Variants in SLC7A1 observed in about 807,000 individuals in gnomAD.
SLC7A1 encodes solute carrier family 7 member 1.
SLC7A1 carries 10 observed loss-of-function variants against 53.9 expected under a neutral mutation model. That is an observed-to-expected ratio of 0.19 (90% CI 0.11 to 0.31). The LOEUF (loss-of-function observed/expected upper bound fraction) is 0.31. Ranked by LOEUF, SLC7A1 falls within the 10% of genes least tolerant of loss-of-function variation. The pLI is 1.00. For missense variants in SLC7A1, 525 were observed against 827.2 expected, an observed-to-expected ratio of 0.63 and a Z score of 4.48; for synonymous variants, 342 against 338.7, an observed-to-expected ratio of 1.01 and a Z score of -0.11.
chr13:29,528,948 C>T (rs1869023277), intron 5 of SLC7A1, among the ~76,000 whole-genome samples: 2 of 152,212 alleles, frequency 1.3e-5, no homozygotes, highest in South Asian at 2.1e-4. Flanking sequence ...AATTAAATCT[C>T]GATTGGCAAC....
rs1183314668 is a variant in SLC7A1 at position 29,513,039 on chromosome 13, T to G, written c.*1441A>C. ...TCCTCCTCCCCCATCAGCATGGGCC[T>G]TCTGTCTCCTGAAGTAGACTCAGTG... On this transcript the variant is annotated 3_prime_UTR_variant, in exon 13 of 13. Coordinates refer to ENST00000380752, the MANE Select transcript of SLC7A1 (RefSeq NM_003045.5). The G allele has an allele frequency of 6.6e-6, 1 of 152,310 alleles. No homozygotes were observed. The highest frequency in any genetic ancestry group is 6.5e-5 in the Admixed American group (1 of 15,292). 9.4% of individuals were successfully genotyped at this position (152,310 alleles called of 1,614,324 possible). A position where few individuals can be genotyped will look rare whatever the true frequency, so the allele number is the denominator to read the frequency against.
chr13:29,530,516 A>G (rs772887403), intron 5 of SLC7A1, 22 bp downstream of exon 5: 48 of 1,610,090 alleles, frequency 3.0e-5, no homozygotes, highest in Non-Finnish European at 2.5e-6. Context: ...ACTAAGAAAA[A>G]TGGTCAGAAG....
At chr13:29,583,643 C>G (rs553697387) in intron 1 of SLC7A1, among the ~76,000 whole-genome samples, 1 of 152,300 alleles carries the variant, frequency 6.6e-6, no homozygotes, top group South Asian at 2.1e-4. Context: ...CTGCCCTACT[C>G]CAAATCACCC....
At chr13:29,579,291 G>C (rs563025017) in intron 1 of SLC7A1, among the ~76,000 whole-genome samples, 52 of 152,142 alleles carry the variant, frequency 3.4e-4, no homozygotes, top group African/African-American at 1.2e-3. Context: ...CCGCACAACA[G>C]GACACCACGG....
intron 1 of SLC7A1, among the ~76,000 whole-genome samples, chr13:29,572,766 C>G (rs963392640): frequency 6.6e-6 from 1 of 152,192 alleles, no homozygotes; most frequent in Non-Finnish European, 1.5e-5. Flanking sequence ...AGTTGACCAG[C>G]ACTGGGCGGG....
At chr13:29,576,753 C>T (rs1871431619) in intron 1 of SLC7A1, among the ~76,000 whole-genome samples, 2 of 152,104 alleles carry the variant, frequency 1.3e-5, no homozygotes, top group East Asian at 1.9e-4. Context: ...ATCTGCTGCC[C>T]AACTGATAAA....
At position 29,516,161 on chromosome 13, in the gene SLC7A1, C is replaced by A; in HGVS notation, c.1763G>T (p.Arg588Leu). The A allele has an allele frequency of 6.2e-7, 1 of 1,612,862 alleles. No individual in the cohort carries two copies. Among genetic ancestry groups the A allele is most frequent in the Non-Finnish European group, 8.5e-7 (1 of 1,179,074 alleles). ...ACCTATCAGCATCCACACAGCAAACCGGACCCAGGTGCCCTGGTCCAGCTG... is the reference window on the plus strand; with the variant it reads ...ACCTATCAGCATCCACACAGCAAACAGGACCCAGGTGCCCTGGTCCAGCTG... Reference protein sequence around the residue: ...MMQLDQGTWVRFAVWMLIGFI... With the variant: ...MMQLDQGTWVLFAVWMLIGFI... The change falls in exon 12 of 13, where the codon CGG (arginine) becomes CTG (leucine). Residue 588 changes from arginine to leucine, a missense_variant. Around this residue, in one of 4 missense-constraint regions of SLC7A1, gnomAD observed 41 missense variants for 61.3 expected, o/e 0.67. Transcript: ENST00000380752.
At chr13:29,559,737 A>T (rs1593568801) in intron 1 of SLC7A1, among the ~76,000 whole-genome samples, 1 of 148,852 alleles carries the variant, frequency 6.7e-6, no homozygotes, top group Non-Finnish European at 1.5e-5. Flanking sequence ...TTTTTTTGAG[A>T]TGGAGTCTCG....
At chr13:29,535,199 C>T (rs565775541) in intron 3 of SLC7A1, among the ~76,000 whole-genome samples, 26 of 152,320 alleles carry the variant, frequency 1.7e-4, no homozygotes, top group African/African-American at 6.0e-4. Flanking sequence ...ACAGCAACAA[C>T]ATAATGGAAA....
At chr13:29,545,708 T>TC (rs1869890120) in intron 2 of SLC7A1, among the ~76,000 whole-genome samples, 1 of 152,164 alleles carries the variant, frequency 6.6e-6, no homozygotes, top group South Asian at 2.1e-4. Flanking sequence ...AGCTTAAGGT[T>TC]CCCGTCACCA....
intron 1 of SLC7A1, among the ~76,000 whole-genome samples, chr13:29,578,468 A>G (rs1394243157): frequency 6.6e-6 from 1 of 152,176 alleles, no homozygotes; most frequent in African/African-American, 2.4e-5. Context: ...CACATCTGCT[A>G]AGGCAAACCT....
chr13:29,523,057 T>G (rs1023342861), intron 7 of SLC7A1, among the ~76,000 whole-genome samples: 1 of 152,150 alleles, frequency 6.6e-6, no homozygotes, highest in African/African-American at 2.4e-5. Flanking sequence ...CTCAGGTTCT[T>G]CTCAATAACA....
Position 29,595,506 on chromosome 13 carries a change from C to CGGGCGGGGCGGGGCG in SLC7A1, c.-220_-206dup, listed in dbSNP as rs76676938. The stretch of plus-strand genomic sequence containing the variant: ...CCAACGGACGCTCGGCCGGCGAGAC[C>CGGGCGGGGCGGGGCG]GGGCGGGGCGGGGCGGGGCGGGGGC... On this transcript the variant is annotated 5_prime_UTR_variant, in exon 1 of 13. Transcript: ENST00000380752. 3.3e-5 allele frequency: 5 copies of CGGGCGGGGCGGGGCG among 149,474 alleles called. No homozygotes were observed. The highest frequency in any genetic ancestry group is 7.5e-5 in the Non-Finnish European group (5 of 66,980). 9.3% of individuals were successfully genotyped at this position (149,474 alleles called of 1,614,324 possible). A position where few individuals can be genotyped will look rare whatever the true frequency, so the allele number is the denominator to read the frequency against.
chr13:29,523,615 T>C, intron 6 of SLC7A1, 127 bp from the exon 7 acceptor site: 1 of 701,734 alleles, frequency 1.4e-6, no homozygotes, highest in South Asian at 1.8e-5. Flanking sequence ...CCTCCAGCAC[T>C]CAGCCCTGTG....
At chr13:29,526,637 T>A (rs1398688782) in intron 5 of SLC7A1, among the ~76,000 whole-genome samples, 3 of 152,148 alleles carry the variant, frequency 2.0e-5, no homozygotes, top group Non-Finnish European at 4.4e-5. Flanking sequence ...GGGAACTGCA[T>A]ACATGATTAA....
intron 2 of SLC7A1, among the ~76,000 whole-genome samples, chr13:29,552,252 C>G (rs924919972): frequency 4.7e-4 from 71 of 151,236 alleles, no homozygotes; most frequent in Admixed American, 5.9e-4. Context: ...CACACACACA[C>G]ACAGACACAC....
At chr13:29,536,609 CA>C (rs1391679271) in intron 2 of SLC7A1, among the ~76,000 whole-genome samples, 1 of 152,164 alleles carries the variant, frequency 6.6e-6, no homozygotes. Flanking sequence ...TAATAGAAAG[CA>C]AACCAAACCA....
intron 2 of SLC7A1, among the ~76,000 whole-genome samples, chr13:29,550,813 T>C (rs934927811): frequency 1.3e-5 from 2 of 152,150 alleles, no homozygotes; most frequent in Admixed American, 6.5e-5. Flanking sequence ...GAAAGTAAGA[T>C]GTGTGTTGTT....
chr13:29,523,575 CG>C, intron 6 of SLC7A1, 87 bp from the exon 7 acceptor site: 1 of 982,040 alleles, frequency 1.0e-6, no homozygotes, highest in Non-Finnish European at 1.6e-6. Flanking sequence ...CTCAGTGCCC[CG>C]GAACCCACGT....
Sources: allele counts gnomAD v4.1 joint callset (sites outside exome capture counted in the v4.1 genomes callset), GRCh38; gene constraint gnomAD v4.1.1; regional missense constraint gnomAD v4.1.1; transcripts MANE v1.5; gene names NCBI Gene and HGNC (gene_info 2026-07-23, HGNC 2026-07-21).